Variants in UST observed in about 807,000 individuals in gnomAD.
The protein encoded by UST is chondroitin sulfate 2-O-sulfotransferase.
A neutral mutation model predicts 45.6 loss-of-function variants in UST; 21 were observed. The observed-to-expected ratio is 0.46, with a 90% CI of 0.33 to 0.66. UST has a LOEUF of 0.66. Ranked by LOEUF, UST falls within the 30% of genes least tolerant of loss-of-function variation. The probability of loss-of-function intolerance (pLI) is 0.02; values close to 1 mark genes in which losing one functional copy is unlikely to be tolerated. For synonymous variants in UST, 215 were observed against 200.6 expected (o/e 1.07, Z -0.61); for missense variants, 463 against 512.4 (o/e 0.90, Z 0.93).
At chr6:148,788,147 G>A (rs145298282) in intron 1 of UST, among the ~76,000 whole-genome samples, 71 of 152,164 alleles carry the variant, frequency 4.7e-4, no homozygotes, top group Non-Finnish European at 7.9e-4. Context: ...CAAGCGAAAC[G>A]GGTTTCTTCT....
intron 7 of UST, among the ~76,000 whole-genome samples, chr6:149,064,041 A>G (rs940424238): frequency 1.3e-5 from 2 of 152,206 alleles, no homozygotes; most frequent in African/African-American, 4.8e-5. Context: ...TGTAGTAAGT[A>G]TGAAAGACCC....
chr6:149,025,924 G>A (rs1776044200), intron 7 of UST, among the ~76,000 whole-genome samples: 2 of 152,032 alleles, frequency 1.3e-5, no homozygotes, highest in Non-Finnish European at 2.9e-5. Context: ...CAAGGTGGGT[G>A]GATCACGAGG....
intron 1 of UST, among the ~76,000 whole-genome samples, chr6:148,858,964 T>A (rs371642845): frequency 0.012 from 1,860 of 152,044 alleles, 23 homozygotes; most frequent in Admixed American, 0.023. Flanking sequence ...AACATACGTG[T>A]GCATGTGTCT....
chr6:148,877,569 A>G (rs1308344710), intron 1 of UST, among the ~76,000 whole-genome samples: 9 of 57,854 alleles, frequency 1.6e-4, no homozygotes, highest in Admixed American at 7.2e-4. Flanking sequence ...GTATGAGTGC[A>G]GGGGTCGTGT....
At chr6:148,988,676 G>A (rs1781287094) in intron 5 of UST, among the ~76,000 whole-genome samples, 1 of 151,716 alleles carries the variant, frequency 6.6e-6, no homozygotes, top group African/African-American at 2.4e-5. Context: ...GAAGGCAGAT[G>A]AGGATGTTTC....
chr6:148,919,942 A>G (rs1194900249), intron 2 of UST, among the ~76,000 whole-genome samples: 2 of 152,252 alleles, frequency 1.3e-5, no homozygotes, highest in East Asian at 3.8e-4. Context: ...AAACATTTTA[A>G]TAAATTAACA....
chr6:148,779,120 T>TG (rs1776589567), intron 1 of UST, among the ~76,000 whole-genome samples: 1 of 151,972 alleles, frequency 6.6e-6, no homozygotes, highest in Non-Finnish European at 1.5e-5. Flanking sequence ...ACATTTTTTT[T>TG]TTTTTTTCAA....
At chr6:149,066,463 G>A (rs1776731142) in intron 7 of UST, among the ~76,000 whole-genome samples, 1 of 152,090 alleles carries the variant, frequency 6.6e-6, no homozygotes, top group African/African-American at 2.4e-5. Flanking sequence ...GGTGGATGAG[G>A]GAGAGAAGGA....
At chr6:148,863,316 C>T (rs904046745) in intron 1 of UST, among the ~76,000 whole-genome samples, 2 of 152,142 alleles carry the variant, frequency 1.3e-5, no homozygotes, top group African/African-American at 2.4e-5. Context: ...GCATGCATCA[C>T]GTAGTTCTCA....
chr6:148,786,885 T>G (rs1378026354), intron 1 of UST, among the ~76,000 whole-genome samples: 1 of 152,246 alleles, frequency 6.6e-6, no homozygotes, highest in African/African-American at 2.4e-5. Flanking sequence ...TGTTATTTTT[T>G]GACTTTTTAG....
At chr6:148,827,810 T>C (rs1777602776) in intron 1 of UST, among the ~76,000 whole-genome samples, 1 of 151,498 alleles carries the variant, frequency 6.6e-6, no homozygotes, top group Non-Finnish European at 1.5e-5. Context: ...AAACTTGACA[T>C]GATATTTAGA....
In UST at chr6:148,919,789, T is replaced by C. The variant is rs377089993; in HGVS notation, c.292-21490T>C. On this transcript the variant is annotated intron_variant, in intron 2 of 7. Transcript: ENST00000367463. ...CTTTTTTAATGGCTATGGCACCAGT[T>C]AAGCCTTTTAGACTTTCCAGGGTGT... is the stretch of plus-strand genomic sequence containing the variant. Among the ~76,000 whole-genome samples the C allele has an allele frequency of 9.8e-5, 15 of 152,346 alleles. No homozygotes were observed. The East Asian group carries it at 2.3e-3, about 23-fold the overall frequency.
chr6:148,875,916 A>G (rs1778641888), intron 1 of UST, among the ~76,000 whole-genome samples: 1 of 152,278 alleles, frequency 6.6e-6, no homozygotes, highest in Non-Finnish European at 1.5e-5. Flanking sequence ...AGGCAGTGTG[A>G]TAAGTGCTGC....
chr6:149,010,668 G>A (rs528645399), intron 5 of UST, among the ~76,000 whole-genome samples: 204 of 152,092 alleles, frequency 1.3e-3, no homozygotes, highest in African/African-American at 4.7e-3. Flanking sequence ...GCTGAGGCGG[G>A]CAGATCACGA....
chr6:149,039,595 A>T (rs1391941497), intron 7 of UST, among the ~76,000 whole-genome samples: 2 of 152,204 alleles, frequency 1.3e-5, no homozygotes, highest in South Asian at 2.1e-4. Flanking sequence ...CAGTCTAAGG[A>T]CCATACTCAG....
chr6:148,809,393 G>C (rs1287540141), intron 1 of UST, among the ~76,000 whole-genome samples: 2 of 151,464 alleles, frequency 1.3e-5, no homozygotes, highest in Non-Finnish European at 2.9e-5. Flanking sequence ...AGCTGAAACA[G>C]TGCTTGTGTC....
chr6:148,959,456 T>C (rs1780602158), intron 4 of UST, among the ~76,000 whole-genome samples: 1 of 152,212 alleles, frequency 6.6e-6, no homozygotes, highest in Non-Finnish European at 1.5e-5. Flanking sequence ...GCGCAGAAGT[T>C]CCATTTACAA....
intron 2 of UST, among the ~76,000 whole-genome samples, chr6:148,898,057 T>G (rs1229321251): frequency 6.6e-6 from 1 of 152,164 alleles, no homozygotes; most frequent in Non-Finnish European, 1.5e-5. Context: ...TTTCATTTTA[T>G]GGAAGAATCA....
chr6:148,990,270 C>A, intron 5 of UST: 1 of 408,552 alleles, frequency 2.4e-6, no homozygotes, highest in Non-Finnish European at 3.3e-6. Flanking sequence ...TTTGCTTGGC[C>A]ATATTTTATA....
Sources: allele counts gnomAD v4.1 joint callset (sites outside exome capture counted in the v4.1 genomes callset), GRCh38; gene constraint gnomAD v4.1.1; transcripts MANE v1.5; gene names NCBI Gene and HGNC (gene_info 2026-07-23, HGNC 2026-07-21).